Variants in CDC42SE2 observed in about 807,000 individuals in gnomAD.
CDC42SE2 encodes CDC42 small effector 2.
A neutral mutation model predicts 11.5 loss-of-function variants in CDC42SE2; 3 were observed. The ratio of observed to expected loss-of-function variants is 0.26; its 90% CI spans 0.12 to 0.67. The LOEUF is 0.67. CDC42SE2 is among the 30% of genes least tolerant of loss of function. CDC42SE2 has a pLI of 0.80. For missense variants in CDC42SE2, 82 were observed against 106.8 expected (o/e 0.77, Z 1.02); for synonymous variants, 33 against 34.8 (o/e 0.95, Z 0.18).
chr5:131,295,832 G>A (rs1757560719), intron 1 of CDC42SE2, among the ~76,000 whole-genome samples: 1 of 151,996 alleles, frequency 6.6e-6, no homozygotes, highest in Non-Finnish European at 1.5e-5. Context: ...ACAGGCGCCC[G>A]CCACCGTGCC....
intron 1 of CDC42SE2, among the ~76,000 whole-genome samples, chr5:131,252,040 G>T (rs1274496194): frequency 7.0e-6 from 1 of 143,324 alleles, no homozygotes; most frequent in Admixed American, 7.4e-5. Flanking sequence ...AAAAAAGAGA[G>T]AAAGAAAAAG....
At chr5:131,382,122 A>G (rs889446953) in intron 3 of CDC42SE2, among the ~76,000 whole-genome samples, 1 of 152,200 alleles carries the variant, frequency 6.6e-6, no homozygotes, top group African/African-American at 2.4e-5. Flanking sequence ...AATACTCACT[A>G]TTATTTTCAC....
intron 1 of CDC42SE2, among the ~76,000 whole-genome samples, chr5:131,285,769 G>T (rs1311500036): frequency 2.6e-5 from 4 of 152,200 alleles, no homozygotes; most frequent in Non-Finnish European, 5.9e-5. Flanking sequence ...GCCCATAGCT[G>T]TGACTGAGAG....
rs898885688 is a variant in CDC42SE2, at chr5:131,281,590, C to T, written c.-455+17424C>T. ...TCTCACAGTGAATTTTTAGCCTCCT[C>T]TTTTAAGATTTATTTTGTGAACAGT... On this transcript the variant is annotated intron_variant, in intron 1 of 4. Coordinates refer to ENST00000505065, the MANE Select transcript of CDC42SE2 (RefSeq NM_001375635.1). Among the ~76,000 whole-genome samples the T allele has an allele frequency of 2.0e-5, 3 of 152,294 alleles. No homozygotes were observed. The East Asian group carries it at 5.8e-4, about 29-fold the overall frequency.
At chr5:131,360,372 T>TGCCTCC (rs1479872527) in intron 3 of CDC42SE2, among the ~76,000 whole-genome samples, 1 of 152,154 alleles carries the variant, frequency 6.6e-6, no homozygotes, top group Non-Finnish European at 1.5e-5. Flanking sequence ...CACCCGCCTC[T>TGCCTCC]GCCTCCCAAA....
At chr5:131,328,922 CAT>C (rs772855759) in intron 2 of CDC42SE2, among the ~76,000 whole-genome samples, 3 of 152,210 alleles carry the variant, frequency 2.0e-5, no homozygotes, top group Non-Finnish European at 4.4e-5. Context: ...TTTTTACACT[CAT>C]ATAAATAAAT....
At chr5:131,343,713 CAA>C (rs530307746) in intron 2 of CDC42SE2, among the ~76,000 whole-genome samples, 18 of 101,020 alleles carry the variant, frequency 1.8e-4, no homozygotes, top group South Asian at 3.2e-4. Context: ...AACTCTGTCT[CAA>C]AAAAAAAAAA....
At chr5:131,364,248 G>T (rs1749790925) in intron 3 of CDC42SE2, among the ~76,000 whole-genome samples, 1 of 152,230 alleles carries the variant, frequency 6.6e-6, no homozygotes, top group Non-Finnish European at 1.5e-5. Context: ...GAGAAATGGG[G>T]ATATGAATTT....
intron 2 of CDC42SE2, among the ~76,000 whole-genome samples, chr5:131,340,516 G>T (rs1393612439): frequency 6.6e-6 from 1 of 152,068 alleles, no homozygotes; most frequent in Non-Finnish European, 1.5e-5. Context: ...AGCGTATCTG[G>T]GTGAAGGATA....
intron 1 of CDC42SE2, among the ~76,000 whole-genome samples, chr5:131,310,665 CTCT>C (rs1757885980): frequency 6.6e-6 from 1 of 152,058 alleles, no homozygotes; most frequent in Non-Finnish European, 1.5e-5. Flanking sequence ...GGATAGTTAG[CTCT>C]TCTTGTTGAA....
the CDC42SE2 span, among the ~76,000 whole-genome samples, chr5:131,234,649 A>G: frequency 6.7e-6 from 1 of 150,180 alleles, no homozygotes; most frequent in Non-Finnish European, 1.5e-5. Context: ...AAAAAAAAAG[A>G]AAAAAAAAGA....
intron 1 of CDC42SE2, among the ~76,000 whole-genome samples, chr5:131,285,124 A>G (rs77338672): frequency 7.0e-5 from 10 of 143,288 alleles, no homozygotes; most frequent in African/African-American, 2.3e-4. Flanking sequence ...CCTGTCTCTG[A>G]AAAAAAAAAA....
chr5:131,282,929 CTT>C (rs767091920), intron 1 of CDC42SE2, among the ~76,000 whole-genome samples: 21 of 127,102 alleles, frequency 1.7e-4, no homozygotes, highest in Admixed American at 3.3e-4. Context: ...GCACCTGGCC[CTT>C]TTTTTTTTTT....
the CDC42SE2 span, among the ~76,000 whole-genome samples, chr5:131,238,501 A>T: frequency 4.1e-5 from 3 of 72,806 alleles, no homozygotes; most frequent in Non-Finnish European, 7.1e-5. Context: ...AGACTCGTCT[A>T]AAAAAAAAAA....
chr5:131,369,938 T>A (rs1467284261), intron 3 of CDC42SE2, among the ~76,000 whole-genome samples: 1 of 152,218 alleles, frequency 6.6e-6, no homozygotes, highest in Non-Finnish European at 1.5e-5. Context: ...CTAATTTAAT[T>A]CAGTGCTTTC....
At chr5:131,252,058 G>GAGGAAGGA (rs1561561614) in intron 1 of CDC42SE2, among the ~76,000 whole-genome samples, 2 of 41,084 alleles carry the variant, frequency 4.9e-5, no homozygotes, top group Non-Finnish European at 1.4e-4. Flanking sequence ...AAGAGAATGA[G>GAGGAAGGA]TGGAAGGAAG....
chr5:131,340,561 CT>C (rs1400367101), intron 2 of CDC42SE2, among the ~76,000 whole-genome samples: 1 of 152,132 alleles, frequency 6.6e-6, no homozygotes, highest in African/African-American at 2.4e-5. Flanking sequence ...AGTAACTCGG[CT>C]GTAAGTTTGA....
chr5:131,292,815 GGT>G (rs1219811349), intron 1 of CDC42SE2, among the ~76,000 whole-genome samples: 1 of 149,794 alleles, frequency 6.7e-6, no homozygotes, highest in Middle Eastern at 3.2e-3. Context: ...GGGAGCCTGA[GGT>G]GGGAGGATCG....
intron 1 of CDC42SE2, among the ~76,000 whole-genome samples, chr5:131,299,761 T>G (rs1757644289): frequency 6.6e-6 from 1 of 152,148 alleles, no homozygotes; most frequent in African/African-American, 2.4e-5. Flanking sequence ...GGGGAGTGAT[T>G]GAAATAACCT....
Sources: allele counts gnomAD v4.1 joint callset (sites outside exome capture counted in the v4.1 genomes callset), GRCh38; gene constraint gnomAD v4.1.1; transcripts MANE v1.5; gene names NCBI Gene and HGNC (gene_info 2026-07-23, HGNC 2026-07-21).